Variants in SLC26A4 observed in about 807,000 individuals in gnomAD.
The protein encoded by SLC26A4 is pendrin.
SLC26A4 carries 93 observed loss-of-function variants against 90.4 expected under a neutral mutation model. That is an observed-to-expected ratio of 1.03 (90% CI 0.87 to 1.22). The LOEUF is 1.22. Among genes scored for constraint, SLC26A4 ranks in the 50% most tolerant of loss-of-function variants. The pLI, the probability that SLC26A4 is intolerant of heterozygous loss-of-function variation, is 0.00. For missense variants in SLC26A4, 1,127 were observed against 946.2 expected, an observed-to-expected ratio of 1.19 and a Z score of -2.51; for synonymous variants, 393 against 354.6, an observed-to-expected ratio of 1.11 and a Z score of -1.22.
At chr7:107,686,454 T>TC (rs1791422059) in intron 8 of SLC26A4, among the ~76,000 whole-genome samples, 1 of 44,228 alleles carries the variant, frequency 2.3e-5, no homozygotes, top group Admixed American at 2.0e-4. Context: ...TCTTTCTTTC[T>TC]TTTCTTTCTT....
chr7:107,689,324 G>T (rs537763015), intron 9 of SLC26A4, 124 bp downstream of exon 9: 2 of 994,992 alleles, frequency 2.0e-6, no homozygotes, highest in Middle Eastern at 3.1e-4. Context: ...TTATTGGGTT[G>T]GTTTTCCTCT....
rs1055038824 is a variant in SLC26A4 at position 107,662,113 on chromosome 7, A to T, written c.164+308A>T. The T allele has an allele frequency of 1.1e-5, 5 of 471,424 alleles. No homozygotes were observed. The South Asian group carries it at 1.1e-4, about 11-fold the overall frequency. 29.2% of individuals were successfully genotyped at this position (471,424 alleles called of 1,614,324 possible). A position where few individuals can be genotyped will look rare whatever the true frequency, so the allele number is the denominator to read the frequency against. On this transcript the variant is annotated intron_variant, in intron 2 of 20. Coordinates refer to ENST00000644269, the MANE Select transcript of SLC26A4 (RefSeq NM_000441.2). ...GGAAACTTGGAGTGCCTCTTGGGGT[A>T]CAGTGGGTCCCTGTTGCCTTCTTGG...
At position 107,700,109 on chromosome 7, in the gene SLC26A4, T is replaced by A. The variant is rs773161108; in HGVS notation, c.1641T>A (p.Ile547=). The change falls in exon 15 of 21, where the codon ATT becomes ATA. Residue 547 remains isoleucine (I), a synonymous_variant. Coordinates refer to ENST00000644269, the MANE Select transcript of SLC26A4 (RefSeq NM_000441.2). ...TTGAAGAACCTCAAGGAGTGAAGAT[T>A]CTTAGATTTTCCAGTCCTATTTTCT... The part of the protein sequence containing the change: ...KNIEEPQGVK[I]LRFSSPIFYG... 6.3e-7 allele frequency: 1 copy of A among 1,582,700 alleles called. No individual in the cohort carries two copies. The highest frequency in any genetic ancestry group is 8.7e-7 in the Non-Finnish European group (1 of 1,151,462).
At chr7:107,687,340 G>A (rs1287948075) in intron 8 of SLC26A4, among the ~76,000 whole-genome samples, 1 of 152,172 alleles carries the variant, frequency 6.6e-6, no homozygotes, top group African/African-American at 2.4e-5. Context: ...ATCCAGACGG[G>A]ACTTCAATTG....
At chr7:107,711,153 A>G (rs1372514462) in intron 19 of SLC26A4, among the ~76,000 whole-genome samples, 2 of 134,384 alleles carry the variant, frequency 1.5e-5, no homozygotes, top group African/African-American at 3.3e-5. Context: ...ATAAAAAAGG[A>G]AAAAAAAAAA....
Position 107,661,590 on chromosome 7 carries a change from G to T in SLC26A4, c.-3-49G>T, listed in dbSNP as rs1405647473. The T allele has an allele frequency of 1.3e-6, 2 of 1,531,422 alleles. No homozygotes were observed. Among genetic ancestry groups the T allele is most frequent in the East Asian group, 2.4e-5 (1 of 41,102 alleles). The allele number at this position is 1,531,422 out of a possible 1,614,324, so 94.9% of individuals were successfully genotyped here. On this transcript the variant is annotated intron_variant, in intron 1 of 20. Transcript: ENST00000644269. This position sits in a 1 kb window ranked among gnomAD's most constrained non-coding sequence, Gnocchi z 5.1. Reference sequence around the variant, plus strand: ...TGTTCCTCGCTCTTCCCCTCCGATCGTCCTCGCTTACCGCGTGTCCTCCCT... The same window carrying T: ...TGTTCCTCGCTCTTCCCCTCCGATCTTCCTCGCTTACCGCGTGTCCTCCCT...
rs1792383762 is a variant in SLC26A4 at position 107,717,790 on chromosome 7, T to A, written c.*2344T>A. On this transcript the variant is annotated 3_prime_UTR_variant, in exon 21 of 21. Coordinates refer to ENST00000644269, the MANE Select transcript of SLC26A4 (RefSeq NM_000441.2). ...AAAGTTGTCTTTTAAACTACTCGGATGTGTCCTTTCTGAACAAAACTATTA... is the reference window on the plus strand; with the variant it reads ...AAAGTTGTCTTTTAAACTACTCGGAAGTGTCCTTTCTGAACAAAACTATTA... 6.6e-6 allele frequency: 1 copy of A among 152,606 alleles called. No individual in the cohort carries two copies. The highest frequency in any genetic ancestry group is 2.1e-4 in the South Asian group (1 of 4,830). 9.5% of individuals were successfully genotyped at this position (152,606 alleles called of 1,614,324 possible). A position where few individuals can be genotyped will look rare whatever the true frequency, so the allele number is the denominator to read the frequency against.
intron 6 of SLC26A4, among the ~76,000 whole-genome samples, chr7:107,677,404 A>G (rs1285326695): frequency 6.6e-6 from 1 of 152,158 alleles, no homozygotes; most frequent in Non-Finnish European, 1.5e-5. Context: ...CGTGTAAGGC[A>G]CTTAGCACAA....
At chr7:107,680,569 C>T (rs1791205330) in intron 6 of SLC26A4, among the ~76,000 whole-genome samples, 1 of 150,536 alleles carries the variant, frequency 6.6e-6, no homozygotes. Flanking sequence ...ACAGATTAAA[C>T]TTTCTATCAT....
Position 107,674,282 on chromosome 7 carries a change from T to C in SLC26A4, c.534T>C (p.Thr178=). ...GTVLNTTMID[T]AARDTARVLI... ...TATTAAATACTACTATGATAGACAC[T>C]GCAGCTAGAGATACAGCTAGAGTCC... Residue 178 remains threonine (T), a synonymous_variant, in exon 5 of 21, where the codon ACT becomes ACC. Transcript: ENST00000644269. The C allele has an allele frequency of 6.2e-7, 1 of 1,613,974 alleles. No homozygotes were observed. Among genetic ancestry groups the C allele is most frequent in the South Asian group, 1.1e-5 (1 of 91,074 alleles).
At chr7:107,673,299 A>T (rs976977038) in intron 4 of SLC26A4, among the ~76,000 whole-genome samples, 1 of 152,192 alleles carries the variant, frequency 6.6e-6, no homozygotes. Flanking sequence ...AATATTTTTT[A>T]AAATATAAAA....
intron 8 of SLC26A4, among the ~76,000 whole-genome samples, chr7:107,685,461 A>G (rs1791369920): frequency 6.6e-6 from 1 of 152,130 alleles, no homozygotes; most frequent in Non-Finnish European, 1.5e-5. Context: ...CCCTGCTTCA[A>G]TCCTCCATTA....
chr7:107,684,285 C>T lies in SLC26A4; in HGVS notation c.1001+748C>T, dbSNP rs138227998. Reference sequence around the variant, plus strand: ...TAACATACACTCATAACATTTAAGACTAGACTTGCTGTTAATCAAGAAGTA... The same window carrying T: ...TAACATACACTCATAACATTTAAGATTAGACTTGCTGTTAATCAAGAAGTA... On this transcript the variant is annotated intron_variant, in intron 8 of 20. Coordinates refer to ENST00000644269, the MANE Select transcript of SLC26A4 (RefSeq NM_000441.2). Among the ~76,000 whole-genome samples the T allele has an allele frequency of 1.7e-3, 255 of 152,266 alleles. 1 individual carries two copies. The highest frequency in any genetic ancestry group is 5.8e-3 in the African/African-American group (242 of 41,558).
intron 3 of SLC26A4, among the ~76,000 whole-genome samples, chr7:107,665,562 T>C (rs1049276442): frequency 6.6e-6 from 1 of 152,174 alleles, no homozygotes; most frequent in African/African-American, 2.4e-5. Flanking sequence ...GATGGTATAT[T>C]TAGTGAAAAA....
intron 3 of SLC26A4, among the ~76,000 whole-genome samples, chr7:107,670,112 A>T (rs1036472314): frequency 7.0e-6 from 1 of 142,492 alleles, no homozygotes; most frequent in Admixed American, 7.0e-5. Context: ...ATACCTCCAG[A>T]TTTTTTTTTT....
chr7:107,695,862 T>TA lies in SLC26A4; in HGVS notation c.1438-70dup, dbSNP rs1791725497. ...GTTTGTGGATCATTGATCTTATTTT[T>TA]ATAGGTAGTTATCACATGATGGTAC... is the stretch of plus-strand genomic sequence containing the variant. On this transcript the variant is annotated intron_variant, in intron 12 of 20. Transcript: ENST00000644269. 2.2e-5 allele frequency: 18 copies of TA among 837,126 alleles called. No homozygotes were observed. In the South Asian group the frequency reaches 2.4e-4, roughly 11 times the overall value. The allele number at this position is 837,126 out of a possible 1,614,324, so 51.9% of individuals were successfully genotyped here.
At chr7:107,672,288 T>G (rs773117846) in intron 4 of SLC26A4, 40 bp downstream of exon 4, 17 of 1,349,294 alleles carry the variant, frequency 1.3e-5, no homozygotes, top group Non-Finnish European at 1.8e-5. Flanking sequence ...TTGCTCATGT[T>G]TAAAGTGTTT....
At chr7:107,690,283 G>A (rs1263314226) in intron 10 of SLC26A4, 46 bp downstream of exon 10, 2 of 1,159,586 alleles carry the variant, frequency 1.7e-6, no homozygotes, top group African/African-American at 1.5e-5. Context: ...AACAAGTCGA[G>A]GAATGGCAAC....
intron 14 of SLC26A4, among the ~76,000 whole-genome samples, chr7:107,698,942 A>G (rs570295139): frequency 3.9e-5 from 6 of 152,254 alleles, no homozygotes; most frequent in Non-Finnish European, 7.3e-5. Context: ...AAGATAAAAA[A>G]GCAGAGAAAG....
Sources: gnomAD v4.1 joint callset for allele counts (sites outside exome capture counted in the v4.1 genomes callset) on GRCh38, gnomAD v4.1.1 for gene constraint, Gnocchi (gnomAD v3.1) non-coding constraint, MANE v1.5 for transcripts, NCBI Gene and HGNC (gene_info 2026-07-23, HGNC 2026-07-21) for gene names.